DGKI: variants seen among roughly 807,000 people sequenced by gnomAD.
DGKI encodes diacylglycerol kinase iota.
In DGKI, 55 loss-of-function variants were observed where a neutral mutation model predicts 147.5. That is an observed-to-expected ratio of 0.37 (90% CI 0.30 to 0.47). DGKI has a LOEUF of 0.47. DGKI is among the 20% of genes least tolerant of loss of function. DGKI has a pLI of 1.00. For missense variants in DGKI, 1,007 were observed against 1,323.8 expected (o/e 0.76, Z 3.71); for synonymous variants, 469 against 477.1 (o/e 0.98, Z 0.22).
chr7:137,409,913 CCT>C (rs1050065924), intron 29 of DGKI, among the ~76,000 whole-genome samples: 1 of 151,822 alleles, frequency 6.6e-6, no homozygotes, highest in Non-Finnish European at 1.5e-5. Flanking sequence ...TCTTTCTCTC[CCT>C]CTCTCTCATA....
chr7:137,426,302 C>T (rs1812802390), intron 28 of DGKI, among the ~76,000 whole-genome samples: 1 of 152,070 alleles, frequency 6.6e-6, no homozygotes, highest in African/African-American at 2.4e-5. Context: ...CCAAACTAAG[C>T]TTCATAAGTG....
intron 1 of DGKI, among the ~76,000 whole-genome samples, chr7:137,759,927 C>T (rs982023972): frequency 6.6e-6 from 1 of 152,056 alleles, no homozygotes; most frequent in African/African-American, 2.4e-5. Flanking sequence ...TCCTGAAAAA[C>T]TAGAAACAAA....
rs1308841777 is a variant in DGKI, at chr7:137,725,045, G to C, written c.402-35043C>G. Among the ~76,000 whole-genome samples the C allele has an allele frequency of 1.3e-5, 2 of 152,146 alleles. 1 individual carries two copies. Among genetic ancestry groups the C allele is most frequent in the Middle Eastern group, 6.3e-3 (2 of 316 alleles). On this transcript the variant is annotated intron_variant, in intron 1 of 32. Transcript: ENST00000614521. The stretch of plus-strand genomic sequence containing the variant: ...AAAAGGGCAAAGCTCTTTATACAGA[G>C]GTGAGAAGGGGATGAGGTGGGGAGG...
intron 10 of DGKI, among the ~76,000 whole-genome samples, chr7:137,603,132 T>G (rs1820052175): frequency 6.6e-6 from 1 of 152,082 alleles, no homozygotes; most frequent in East Asian, 1.9e-4. Flanking sequence ...CAGGCACAGT[T>G]TTAGGTAGGA....
chr7:137,395,887 A>T, intron 31 of DGKI, 190 bp from the exon 32 acceptor site: 1 of 553,094 alleles, frequency 1.8e-6, no homozygotes, highest in South Asian at 2.5e-5. Context: ...CCATCAACTG[A>T]TCATAATATC....
intron 1 of DGKI, among the ~76,000 whole-genome samples, chr7:137,781,327 G>A (rs969697784): frequency 6.6e-6 from 1 of 152,164 alleles, no homozygotes; most frequent in Non-Finnish European, 1.5e-5. Context: ...CTTAGCAATG[G>A]GGGGAGGGTA....
At chr7:137,769,754 A>C (rs1400834230) in intron 1 of DGKI, among the ~76,000 whole-genome samples, 1 of 152,266 alleles carries the variant, frequency 6.6e-6, no homozygotes, top group Non-Finnish European at 1.5e-5. Flanking sequence ...AGAGAAATGC[A>C]AATCAAAACC....
At chr7:137,722,554 C>A in intron 1 of DGKI, 3 of 1,599,912 alleles carry the variant, frequency 1.9e-6, no homozygotes, top group Non-Finnish European at 2.6e-6. Context: ...ACGAAGAACA[C>A]ACCAGAAATT....
rs371759238 is a variant in DGKI, at chr7:137,388,960, G to A, written c.*2260C>T. 7.9e-5 allele frequency: 12 copies of A among 152,122 alleles called. No homozygotes were observed. In the East Asian group the frequency reaches 9.6e-4, roughly 12 times the overall value. The allele number at this position is 152,122 out of a possible 1,614,324, so 9.4% of individuals were successfully genotyped here. Reference sequence around the variant, plus strand: ...CCCTAAATTTTCTCTGGGCTACTTGGAAGTATTTAGAGAAATGTGAGATGG... The same window carrying A: ...CCCTAAATTTTCTCTGGGCTACTTGAAAGTATTTAGAGAAATGTGAGATGG... On this transcript the variant is annotated 3_prime_UTR_variant, in exon 33 of 33. Transcript: ENST00000614521.
intron 7 of DGKI, among the ~76,000 whole-genome samples, 184 bp downstream of exon 7, chr7:137,623,299 C>T (rs1820816308): frequency 6.6e-6 from 1 of 152,100 alleles, no homozygotes; most frequent in Non-Finnish European, 1.5e-5. Flanking sequence ...CTAGTGTATC[C>T]CAGCTCATCT....
intron 13 of DGKI, 58 bp from the exon 14 acceptor site, chr7:137,585,404 G>A: frequency 6.4e-7 from 1 of 1,561,688 alleles, no homozygotes; most frequent in Non-Finnish European, 8.7e-7. Flanking sequence ...TGAAGCCAAT[G>A]CTATTTTACG....
chr7:137,789,307 A>T (rs1441543169), intron 1 of DGKI, among the ~76,000 whole-genome samples: 4 of 151,862 alleles, frequency 2.6e-5, no homozygotes, highest in East Asian at 3.9e-4. Context: ...AGGTTTTTTT[A>T]AAAAAAATAA....
intron 23 of DGKI, among the ~76,000 whole-genome samples, chr7:137,481,876 C>G (rs1815385412): frequency 6.6e-6 from 1 of 151,988 alleles, no homozygotes; most frequent in Non-Finnish European, 1.5e-5. Flanking sequence ...TTCAAACATA[C>G]TGGTATTAAT....
At chr7:137,428,580 G>T (rs1158244716) in intron 28 of DGKI, among the ~76,000 whole-genome samples, 2 of 152,062 alleles carry the variant, frequency 1.3e-5, no homozygotes, top group African/African-American at 4.8e-5. Context: ...GGAAATAAAG[G>T]GTATTCAATT....
chr7:137,703,432 G>A (rs1183517279), intron 1 of DGKI, among the ~76,000 whole-genome samples: 1 of 152,166 alleles, frequency 6.6e-6, no homozygotes, highest in African/African-American at 2.4e-5. Context: ...AGGCCCTAAT[G>A]TCCCACTTCT....
At chr7:137,618,945 C>T (rs1820645344) in intron 8 of DGKI, among the ~76,000 whole-genome samples, 1 of 152,086 alleles carries the variant, frequency 6.6e-6, no homozygotes, top group African/African-American at 2.4e-5. Flanking sequence ...AAACAGTATC[C>T]CTGATCCACC....
chr7:137,447,979 T>C (rs1348183418), intron 27 of DGKI, among the ~76,000 whole-genome samples: 1 of 152,144 alleles, frequency 6.6e-6, no homozygotes, highest in East Asian at 1.9e-4. Flanking sequence ...AATACCCTCT[T>C]TGATTAAACT....
chr7:137,564,721 T>C (rs1172305472), intron 19 of DGKI, among the ~76,000 whole-genome samples: 1 of 152,250 alleles, frequency 6.6e-6, no homozygotes, highest in African/African-American at 2.4e-5. Context: ...AAGTTTATTC[T>C]CTTCCCTGTT....
intron 1 of DGKI, among the ~76,000 whole-genome samples, chr7:137,712,524 C>G (rs550779621): frequency 1.4e-3 from 209 of 152,222 alleles, no homozygotes; most frequent in African/African-American, 4.8e-3. Flanking sequence ...GATATGTAAG[C>G]CTTTACACAG....
Sources: allele counts gnomAD v4.1 joint callset (sites outside exome capture counted in the v4.1 genomes callset), GRCh38; gene constraint gnomAD v4.1.1; transcripts MANE v1.5; gene names NCBI Gene and HGNC (gene_info 2026-07-23, HGNC 2026-07-21).